CNBD1: variants seen among roughly 807,000 people sequenced by gnomAD.
The protein encoded by CNBD1 is cyclic nucleotide binding domain containing 1.
A neutral mutation model predicts 54.4 loss-of-function variants in CNBD1; 71 were observed. The ratio of observed to expected loss-of-function variants is 1.30; its 90% CI spans 1.08 to 1.59. The LOEUF (loss-of-function observed/expected upper bound fraction) is 1.59, where lower values mean the gene tolerates loss of function less well. Among genes scored for constraint, CNBD1 ranks in the 40% most tolerant of loss-of-function variants. The probability of loss-of-function intolerance (pLI) is 0.00; values close to 1 mark genes in which losing one functional copy is unlikely to be tolerated. For missense variants in CNBD1, 659 were observed against 518.0 expected (o/e 1.27, Z -2.64); for synonymous variants, 182 against 170.7 (o/e 1.07, Z -0.51).
intron 4 of CNBD1, among the ~76,000 whole-genome samples, chr8:86,959,436 A>T (rs918415974): frequency 6.6e-6 from 1 of 152,170 alleles, no homozygotes; most frequent in Non-Finnish European, 1.5e-5. Context: ...TAATATCCTG[A>T]AGAGTGTTTT....
intron 1 of CNBD1, among the ~76,000 whole-genome samples, chr8:86,880,349 AC>A (rs1159425268): frequency 5.3e-5 from 8 of 151,918 alleles, no homozygotes; most frequent in African/African-American, 1.2e-4. Flanking sequence ...ATAAAAAAAA[AC>A]GTAATACTAC....
downstream of CNBD1, among the ~76,000 whole-genome samples, chr8:87,383,137 T>A (rs1811115560): frequency 1.3e-5 from 2 of 152,172 alleles, no homozygotes; most frequent in African/African-American, 4.8e-5. Flanking sequence ...ACCTTGTGCT[T>A]TTTTCATCTT....
At chr8:86,981,243 A>C (rs1049123522) in intron 4 of CNBD1, among the ~76,000 whole-genome samples, 1 of 152,190 alleles carries the variant, frequency 6.6e-6, no homozygotes, top group Non-Finnish European at 1.5e-5. Context: ...CAGAGATTCC[A>C]AGTTACATGG....
chr8:87,036,113 T>C (rs1423945448), intron 4 of CNBD1, among the ~76,000 whole-genome samples: 3 of 152,194 alleles, frequency 2.0e-5, no homozygotes, highest in Admixed American at 6.5e-5. Context: ...GGAGTGATTT[T>C]CCATTTTTAT....
intron 4 of CNBD1, among the ~76,000 whole-genome samples, chr8:87,190,560 T>C (rs1321629786): frequency 6.6e-6 from 1 of 152,084 alleles, no homozygotes; most frequent in East Asian, 1.9e-4. Flanking sequence ...CATTAATGGG[T>C]CTATTTTCTT....
At chr8:87,279,036 A>T (rs1296105548) in intron 6 of CNBD1, among the ~76,000 whole-genome samples, 1 of 151,294 alleles carries the variant, frequency 6.6e-6, no homozygotes, top group Non-Finnish European at 1.5e-5. Context: ...TTTTCTATTT[A>T]ATTAATAGTT....
chr8:87,229,382 A>G (rs1814611376), intron 5 of CNBD1, among the ~76,000 whole-genome samples: 3 of 152,178 alleles, frequency 2.0e-5, no homozygotes, highest in Admixed American at 6.5e-5. Flanking sequence ...CTCACAGGTT[A>G]AAAATTTCAA....
At chr8:87,289,373 G>T (rs1283918461) in intron 8 of CNBD1, among the ~76,000 whole-genome samples, 1 of 152,002 alleles carries the variant, frequency 6.6e-6, no homozygotes, top group Non-Finnish European at 1.5e-5. Context: ...CTTATAATTT[G>T]GGTGTGTCCA....
chr8:86,958,657 T>C (rs969355351), intron 4 of CNBD1, among the ~76,000 whole-genome samples: 1 of 151,902 alleles, frequency 6.6e-6, no homozygotes, highest in Non-Finnish European at 1.5e-5. Flanking sequence ...CAACCCCTGC[T>C]TTTTTTTGTT....
chr8:87,122,242 T>C (rs1464549996), intron 4 of CNBD1, among the ~76,000 whole-genome samples: 1 of 151,936 alleles, frequency 6.6e-6, no homozygotes, highest in Non-Finnish European at 1.5e-5. Flanking sequence ...TTTCATCTTT[T>C]TGATAAAAGC....
chr8:86,902,316 T>A (rs918683431), intron 2 of CNBD1, among the ~76,000 whole-genome samples: 2 of 152,046 alleles, frequency 1.3e-5, no homozygotes, highest in Admixed American at 6.6e-5. Flanking sequence ...AGCCATACAA[T>A]CCATAGCAGT....
intron 5 of CNBD1, among the ~76,000 whole-genome samples, chr8:87,214,453 T>G (rs1374662278): frequency 6.6e-6 from 1 of 152,150 alleles, no homozygotes; most frequent in Non-Finnish European, 1.5e-5. Context: ...AGCATTTTGG[T>G]TCCAAACTTT....
intron 6 of CNBD1, among the ~76,000 whole-genome samples, chr8:87,265,416 G>T (rs1346808338): frequency 6.6e-6 from 1 of 152,120 alleles, no homozygotes; most frequent in East Asian, 1.9e-4. Context: ...TTGTAGTGTA[G>T]TTTGAAGTCA....
At chr8:86,926,875 A>G (rs1809369868) in intron 3 of CNBD1, among the ~76,000 whole-genome samples, 1 of 152,308 alleles carries the variant, frequency 6.6e-6, no homozygotes, top group Middle Eastern at 3.4e-3. Flanking sequence ...CTTCTGTAGC[A>G]GTAGCCATTC....
At chr8:87,221,579 C>T (rs925313929) in intron 5 of CNBD1, among the ~76,000 whole-genome samples, 2 of 152,060 alleles carry the variant, frequency 1.3e-5, no homozygotes, top group Non-Finnish European at 2.9e-5. Context: ...TATTTCCCAC[C>T]AGACACAATT....
intron 4 of CNBD1, among the ~76,000 whole-genome samples, chr8:87,146,104 G>A (rs1418586419): frequency 3.9e-5 from 6 of 151,948 alleles, no homozygotes; most frequent in Non-Finnish European, 7.4e-5. Flanking sequence ...TAGATTCTAC[G>A]TTGCTAAAAC....
intron 6 of CNBD1, among the ~76,000 whole-genome samples, chr8:87,283,893 G>T (rs1394273273): frequency 6.6e-6 from 1 of 152,056 alleles, no homozygotes; most frequent in East Asian, 1.9e-4. Context: ...AGCTGTGACT[G>T]TTTGACATTT....
At chr8:87,099,216 A>G (rs926343708) in intron 4 of CNBD1, among the ~76,000 whole-genome samples, 8 of 152,090 alleles carry the variant, frequency 5.3e-5, no homozygotes, top group East Asian at 1.9e-4. Context: ...GGGGTTTGTC[A>G]GTTTAGAAAA....
chr8:87,241,406 G>C (rs1160993392), intron 6 of CNBD1, among the ~76,000 whole-genome samples: 1 of 151,682 alleles, frequency 6.6e-6, no homozygotes, highest in Admixed American at 6.6e-5. Flanking sequence ...CAGTAGCTGG[G>C]ACTACAGGGG....
Sources: gnomAD v4.1 joint callset for allele counts (sites outside exome capture counted in the v4.1 genomes callset) on GRCh38, gnomAD v4.1.1 for gene constraint, MANE v1.5 for transcripts, NCBI Gene and HGNC (gene_info 2026-07-23, HGNC 2026-07-21) for gene names.